Variants in SCARB1 observed in about 807,000 individuals in gnomAD.
SCARB1 encodes scavenger receptor class B member 1, also known as CD36 and LIMPII analogous 1.
A neutral mutation model predicts 57.2 loss-of-function variants in SCARB1; 30 were observed. The observed-to-expected ratio is 0.52, with a 90% CI of 0.39 to 0.71. The LOEUF is 0.71. Among genes scored for constraint, SCARB1 ranks in the 30% least tolerant of loss-of-function variants. The pLI is 0.00. For synonymous variants in SCARB1, 249 were observed against 268.3 expected, an observed-to-expected ratio of 0.93 and a Z score of 0.70; for missense variants, 543 against 671.2, an observed-to-expected ratio of 0.81 and a Z score of 2.11.
rs1950614861 is a variant in SCARB1 at position 124,814,276 on chromosome 12, G to C, written c.556C>G (p.Pro186Ala). 2 of 1,614,148 alleles carry C rather than the reference G, an allele frequency of 1.2e-6. No homozygotes were observed. Among genetic ancestry groups the C allele is most frequent in the East Asian group, 4.5e-5 (2 of 44,886 alleles). The part of the protein sequence containing the change: ...VGEIMWGYKD[P>A]LVNLINKYFP... ...TACTTGTTGATGAGATTCACAAGGG[G>C]GTCCTTGTAGCCCCACATGATCTCA... is the stretch of plus-strand genomic sequence containing the variant. Residue 186 changes from proline (P) to alanine (A), a missense_variant, in exon 4 of 13, where the codon CCC (proline) becomes GCC (alanine). Transcript: ENST00000261693. This position sits in a 1 kb window ranked among gnomAD's most constrained non-coding sequence, Gnocchi z 4.7.
At chr12:124,856,403 C>T (rs778800282) in intron 1 of SCARB1, among the ~76,000 whole-genome samples, 21 of 152,358 alleles carry the variant, frequency 1.4e-4, no homozygotes, top group African/African-American at 3.1e-4. Context: ...CACCAACACA[C>T]GTGTGTGCAA....
intron 12 of SCARB1, among the ~76,000 whole-genome samples, chr12:124,779,573 G>A (rs1873028840): frequency 2.0e-5 from 3 of 152,220 alleles, no homozygotes; most frequent in African/African-American, 2.4e-5. Context: ...CAATGGCTGC[G>A]TCTGGGTGAG....
rs148171613 is a variant in SCARB1 at position 124,806,323 on chromosome 12, C to T, written c.1009+1438G>A. ...GAGGACAGGGAAACAAACTGACGCCCGAGGGTCCAAACTGAGCAACTTGAG... is the reference window on the plus strand; with the variant it reads ...GAGGACAGGGAAACAAACTGACGCCTGAGGGTCCAAACTGAGCAACTTGAG... On this transcript the variant is annotated intron_variant, in intron 7 of 12. Coordinates refer to ENST00000261693, the MANE Select transcript of SCARB1 (RefSeq NM_005505.5). Among the ~76,000 whole-genome samples, 326 of 152,168 alleles carry T rather than the reference C, an allele frequency of 2.1e-3. 1 individual carries two copies. In the Middle Eastern group the frequency reaches 0.024, roughly 11 times the overall value.
intron 1 of SCARB1, among the ~76,000 whole-genome samples, chr12:124,847,223 G>T (rs1233182111): frequency 6.6e-6 from 1 of 152,230 alleles, no homozygotes; most frequent in Non-Finnish European, 1.5e-5. Flanking sequence ...GTTGCAGCAG[G>T]TGGAGTCCAG....
chr12:124,836,829 T>C (rs894307711), intron 1 of SCARB1, among the ~76,000 whole-genome samples: 15 of 152,146 alleles, frequency 9.9e-5, no homozygotes, highest in Non-Finnish European at 2.1e-4. Context: ...AGAATAAAGC[T>C]AATAATTTGT....
intron 9 of SCARB1, among the ~76,000 whole-genome samples, chr12:124,794,180 T>C (rs1949841304): frequency 6.6e-6 from 1 of 152,104 alleles, no homozygotes; most frequent in African/African-American, 2.4e-5. Context: ...GGGGTTTCTT[T>C]TGGGGATGAT....
intron 1 of SCARB1, among the ~76,000 whole-genome samples, chr12:124,836,433 G>A (rs1951651390): frequency 6.6e-6 from 1 of 152,194 alleles, no homozygotes; most frequent in African/African-American, 2.4e-5. Context: ...GAAGCCACTG[G>A]AGGCAAGTTT....
intron 10 of SCARB1, 92 bp downstream of exon 10, chr12:124,787,314 C>T (rs1949559648): frequency 2.5e-6 from 3 of 1,221,186 alleles, no homozygotes; most frequent in African/African-American, 1.5e-5. Context: ...AGCCCTCTCC[C>T]TTTCTACAAG....
At chr12:124,840,133 A>G (rs986886490) in intron 1 of SCARB1, 11 of 1,190,844 alleles carry the variant, frequency 9.2e-6, no homozygotes, top group South Asian at 2.7e-5. Context: ...CATTTCCCTA[A>G]CGATGAGCGA....
At chr12:124,781,218 ATTTTCT>A (rs1362259216) in intron 12 of SCARB1, among the ~76,000 whole-genome samples, 1 of 152,100 alleles carries the variant, frequency 6.6e-6, no homozygotes, top group Admixed American at 6.6e-5. Flanking sequence ...ACCCCTTGGC[ATTTTCT>A]TTTTCATCTC....
rs1327939920 is a variant in SCARB1 at position 124,800,055 on chromosome 12, G to C, written c.1128+69C>G. The C allele has an allele frequency of 8.5e-7, 1 of 1,177,844 alleles. No homozygotes were observed. The highest frequency in any genetic ancestry group is 1.3e-6 in the Non-Finnish European group (1 of 784,930). 73.0% of individuals were successfully genotyped at this position (1,177,844 alleles called of 1,614,324 possible). A position where few individuals can be genotyped will look rare whatever the true frequency, so the allele number is the denominator to read the frequency against. ...CCCACAGCAGCTCTCTGCCTGGGGAGAGAGGAGGCAGCCAGGTGTGCTCCA... is the reference window on the plus strand; with the variant it reads ...CCCACAGCAGCTCTCTGCCTGGGGACAGAGGAGGCAGCCAGGTGTGCTCCA... On this transcript the variant is annotated intron_variant, in intron 8 of 12. Coordinates refer to ENST00000261693, the MANE Select transcript of SCARB1 (RefSeq NM_005505.5). This position sits in a 1 kb window ranked among gnomAD's most constrained non-coding sequence, Gnocchi z 4.8.
chr12:124,778,958 T>C (rs1211682667), intron 12 of SCARB1, among the ~76,000 whole-genome samples: 2 of 152,092 alleles, frequency 1.3e-5, no homozygotes, highest in African/African-American at 2.4e-5. Context: ...GTTGATTTAT[T>C]TTTTATTTTT....
chr12:124,809,011 G>A (rs7134858), intron 6 of SCARB1, among the ~76,000 whole-genome samples: 14,597 of 152,170 alleles, frequency 0.096, 894 homozygotes, highest in African/African-American at 0.16. Context: ...TTATAGGAAA[G>A]TGCCAGCTTA....
At position 124,800,356 on chromosome 12, in the gene SCARB1, A is replaced by G; in HGVS notation, c.1010-114T>C. On this transcript the variant is annotated intron_variant, in intron 7 of 12. Transcript: ENST00000261693. The surrounding 1 kb of genome is among the most constrained non-coding windows in gnomAD (Gnocchi z 4.8). ...GCAGGGCACCCCCGTGGCGATGACA[A>G]GATAACCAGACAGAGAGGATCCCTT... is the stretch of plus-strand genomic sequence containing the variant. 3 of 738,710 alleles carry G rather than the reference A, an allele frequency of 4.1e-6. No homozygotes were observed. The South Asian group carries it at 4.9e-5, about 12-fold the overall frequency. The allele number at this position is 738,710 out of a possible 1,614,324, so 45.8% of individuals were successfully genotyped here.
chr12:124,848,483 C>A (rs763032388), intron 1 of SCARB1, among the ~76,000 whole-genome samples: 1 of 147,728 alleles, frequency 6.8e-6, no homozygotes, highest in Non-Finnish European at 1.5e-5. Flanking sequence ...ATCCTCGTGG[C>A]CTTCTTGAGT....
In SCARB1 at chr12:124,817,629, A is replaced by C; in HGVS notation, c.205T>G (p.Phe69Val). 6.2e-7 allele frequency: 1 copy of C among 1,614,226 alleles called. No individual in the cohort carries two copies. Among genetic ancestry groups the C allele is most frequent in the Non-Finnish European group, 8.5e-7 (1 of 1,180,020 alleles). ...TCGCTGGGGTTCATGACGTCAAAGA[A>C]GTAGACGGAGAGATAGAAGGGGATA... The part of the protein sequence containing the change: ...IPIPFYLSVY[F>V]FDVMNPSEIL... The change falls in exon 2 of 13, where the codon TTC becomes GTC. Residue 69 changes from phenylalanine (F) to valine (V), a missense_variant. Coordinates refer to ENST00000261693, the MANE Select transcript of SCARB1 (RefSeq NM_005505.5). This position sits in a 1 kb window ranked among gnomAD's most constrained non-coding sequence, Gnocchi z 4.8.
At chr12:124,835,225 G>T (rs10846751) in intron 1 of SCARB1, among the ~76,000 whole-genome samples, 137 of 151,832 alleles carry the variant, frequency 9.0e-4, no homozygotes, top group African/African-American at 3.2e-3. Flanking sequence ...TACAGGGCCC[G>T]TGACCATCGC....
chr12:124,794,995 G>C (rs1566149733), intron 9 of SCARB1, among the ~76,000 whole-genome samples, 200 bp downstream of exon 9: 1 of 152,114 alleles, frequency 6.6e-6, no homozygotes, highest in Non-Finnish European at 1.5e-5. Context: ...GGAATATCAG[G>C]ATGCAGGTCA....
At chr12:124,811,206 G>C (rs1017968731) in intron 5 of SCARB1, among the ~76,000 whole-genome samples, 1 of 152,228 alleles carries the variant, frequency 6.6e-6, no homozygotes, top group Non-Finnish European at 1.5e-5. Context: ...TCTGGGGCAA[G>C]GGGTAGGGGT....
Sources: gnomAD v4.1 joint callset for allele counts (sites outside exome capture counted in the v4.1 genomes callset) on GRCh38, gnomAD v4.1.1 for gene constraint, Gnocchi (gnomAD v3.1) non-coding constraint, MANE v1.5 for transcripts, NCBI Gene and HGNC (gene_info 2026-07-23, HGNC 2026-07-21) for gene names.